RNF10: variants seen among roughly 807,000 people sequenced by gnomAD.
RNF10 encodes ring finger protein 10, also known as E3 ubiquitin-protein ligase RNF10.
In RNF10, 38 loss-of-function variants were observed where a neutral mutation model predicts 91.4. The ratio of observed to expected loss-of-function variants is 0.42; its 90% CI spans 0.32 to 0.54. The LOEUF (loss-of-function observed/expected upper bound fraction) is 0.54. RNF10 is among the 20% of genes least tolerant of loss of function. The pLI, the probability that RNF10 is intolerant of heterozygous loss-of-function variation, is 0.16. For missense variants in RNF10, 945 were observed against 1,012.0 expected (o/e 0.93, Z 0.90); for synonymous variants, 364 against 366.3 (o/e 0.99, Z 0.07).
At chr12:120,535,082 C>T (rs565541805) in intron 1 of RNF10, 114 bp downstream of exon 1, 8 of 1,144,762 alleles carry the variant, frequency 7.0e-6, no homozygotes, top group Admixed American at 3.1e-5. Context: ...TTTATAGCTC[C>T]TACCTGCCCT....
chr12:120,544,611 G>A (rs1411446286), intron 1 of RNF10, among the ~76,000 whole-genome samples: 1 of 152,104 alleles, frequency 6.6e-6, no homozygotes, highest in African/African-American at 2.4e-5. Flanking sequence ...GAACGAGATT[G>A]TGCCACTGCA....
At chr12:120,549,805 T>A (rs1872779770) in intron 2 of RNF10, among the ~76,000 whole-genome samples, 2 of 152,016 alleles carry the variant, frequency 1.3e-5, no homozygotes, top group South Asian at 4.1e-4. Context: ...AGTGAATAAA[T>A]AAATAATAAA....
chr12:120,575,982 T>C (rs76181214), intron 16 of RNF10, 32 bp downstream of exon 16: 87,874 of 1,609,344 alleles, frequency 0.055, 2,870 homozygotes, highest in South Asian at 0.1. Context: ...CCCAGGGTTG[T>C]CAAACATACT....
chr12:120,557,494 A>C (rs768109281), intron 5 of RNF10, 28 bp downstream of exon 5: 45 of 1,613,760 alleles, frequency 2.8e-5, no homozygotes, highest in Non-Finnish European at 3.7e-5. Flanking sequence ...ACTCAGTTAG[A>C]TCCCAATCTC....
At chr12:120,574,294 A>G (rs1877079638) in intron 14 of RNF10, among the ~76,000 whole-genome samples, 1 of 152,200 alleles carries the variant, frequency 6.6e-6, no homozygotes, top group Non-Finnish European at 1.5e-5. Context: ...CTTGAACCCC[A>G]TGGGGTTTGT....
intron 13 of RNF10, among the ~76,000 whole-genome samples, chr12:120,567,513 C>T (rs911717119): frequency 6.6e-6 from 1 of 151,676 alleles, no homozygotes; most frequent in African/African-American, 2.4e-5. Flanking sequence ...CCAGCCTGAC[C>T]AACACAGTGA....
rs1374515325 is a variant in RNF10, at chr12:120,556,553, A to AC, written c.646-729_646-728insC. On this transcript the variant is annotated intron_variant, in intron 4 of 16. Coordinates refer to ENST00000325954, the MANE Select transcript of RNF10 (RefSeq NM_014868.5). The stretch of plus-strand genomic sequence containing the variant: ...CTCAAAAAAAAAAAAAAAAAAAAAA[A>AC]AAAAGCTTGAACTCTCACTACTGTG... Among the ~76,000 whole-genome samples the AC allele has an allele frequency of 2.7e-3, 397 of 149,068 alleles. 9 individuals carry two copies. The highest frequency in any genetic ancestry group is 9.8e-3 in the African/African-American group (388 of 39,636).
Position 120,570,184 on chromosome 12 carries a change from C to CTT in RNF10, c.2042-988_2042-987dup, listed in dbSNP as rs11378458. 303 of 112,334 alleles carry CTT rather than the reference C, an allele frequency of 2.7e-3. 1 individual carries two copies. Among genetic ancestry groups the CTT allele is most frequent in the African/African-American group, 6.2e-3 (190 of 30,462 alleles). The allele number at this position is 112,334 out of a possible 1,614,324, so 7.0% of individuals were successfully genotyped here. A position where few individuals can be genotyped will look rare whatever the true frequency, so the allele number is the denominator to read the frequency against. Reference sequence around the variant, plus strand: ...ACAGGCGTGAGCCACCACACCCAGCCTTTTTTTTTTTTTTTTTTTTAAGAT... The same window carrying CTT: ...ACAGGCGTGAGCCACCACACCCAGCCTTTTTTTTTTTTTTTTTTTTTTAAGAT... On this transcript the variant is annotated intron_variant, in intron 13 of 16. Coordinates refer to ENST00000325954, the MANE Select transcript of RNF10 (RefSeq NM_014868.5).
chr12:120,557,511 C>T (rs1455003045), intron 5 of RNF10, 35 bp from the exon 6 acceptor site: 2 of 1,613,860 alleles, frequency 1.2e-6, no homozygotes, highest in African/African-American at 1.3e-5. Flanking sequence ...TCTCTTCACT[C>T]CTTGCCCTGC....
intron 13 of RNF10, among the ~76,000 whole-genome samples, chr12:120,569,696 C>T (rs1484330638): frequency 6.6e-6 from 1 of 151,658 alleles, no homozygotes; most frequent in Non-Finnish European, 1.5e-5. Context: ...CACCACCATA[C>T]CCTGCTAATT....
At chr12:120,566,705 T>C in intron 12 of RNF10, 120 bp from the exon 13 acceptor site, 1 of 932,842 alleles carries the variant, frequency 1.1e-6, no homozygotes, top group East Asian at 2.7e-5. Context: ...GAGGATGCAG[T>C]GAACAGAGAT....
chr12:120,537,771 G>A (rs1291912127), intron 1 of RNF10, among the ~76,000 whole-genome samples: 1 of 152,038 alleles, frequency 6.6e-6, no homozygotes, highest in East Asian at 1.9e-4. Flanking sequence ...GTGCGTGTTC[G>A]TTTAGCAAGG....
intron 10 of RNF10, among the ~76,000 whole-genome samples, chr12:120,564,263 A>G (rs1025288531): frequency 1.3e-5 from 2 of 152,168 alleles, no homozygotes; most frequent in African/African-American, 4.8e-5. Flanking sequence ...AAATGTCACA[A>G]ATTTGTTGTA....
chr12:120,538,250 T>C (rs1871112452), intron 1 of RNF10, among the ~76,000 whole-genome samples: 1 of 152,196 alleles, frequency 6.6e-6, no homozygotes, highest in Non-Finnish European at 1.5e-5. Context: ...TCACTTTTTT[T>C]CTCCCCCTTT....
At chr12:120,565,361 A>G in intron 11 of RNF10, 67 bp from the exon 12 acceptor site, 1 of 1,455,952 alleles carries the variant, frequency 6.9e-7, no homozygotes, top group Non-Finnish European at 9.6e-7. Flanking sequence ...TTTAGCTGCT[A>G]ATACTGGGAG....
chr12:120,549,422 T>G (rs1045627123), intron 2 of RNF10, among the ~76,000 whole-genome samples: 4 of 152,072 alleles, frequency 2.6e-5, no homozygotes, highest in African/African-American at 9.7e-5. Flanking sequence ...AGGGCTGATG[T>G]GGAATAGGAA....
At position 120,557,375 on chromosome 12, in the gene RNF10, G is replaced by T. The variant is rs1874199339; in HGVS notation, c.739G>T (p.Ala247Ser). Residue 247 changes from alanine (A) to serine (S), a missense_variant, in exon 5 of 17, where the codon GCA becomes TCA. Ala to Ser is a moderately conservative substitution (Grantham distance 99). Coordinates refer to ENST00000325954, the MANE Select transcript of RNF10 (RefSeq NM_014868.5). The part of the protein sequence containing the change: ...ITRCGHIFCW[A>S]CILHYLSLSE... ...CCGTTGTGGACACATCTTCTGCTGG[G>T]CATGCATCCTGCACTATCTTTCACT... 1 of 1,614,038 alleles carries T rather than the reference G, an allele frequency of 6.2e-7. No homozygotes were observed. Among genetic ancestry groups the T allele is most frequent in the South Asian group, 1.1e-5 (1 of 91,082 alleles).
chr12:120,576,017 G>A lies in RNF10; in HGVS notation c.2359+67G>A, dbSNP rs1056094961. ...TACACATGTACTGCCATTCCCGCCT[G>A]GATTCAGTGGCAGACATCACTAATT... On this transcript the variant is annotated intron_variant, in intron 16 of 16. Coordinates refer to ENST00000325954, the MANE Select transcript of RNF10 (RefSeq NM_014868.5). 3.3e-6 allele frequency: 5 copies of A among 1,520,960 alleles called. No homozygotes were observed. In the Admixed American group the frequency reaches 5.0e-5, roughly 15 times the overall value. The allele number at this position is 1,520,960 out of a possible 1,614,324, so 94.2% of individuals were successfully genotyped here. A position where few individuals can be genotyped will look rare whatever the true frequency, so the allele number is the denominator to read the frequency against.
In RNF10 at chr12:120,566,866, C is replaced by T; in HGVS notation, c.1927C>T (p.Pro643Ser). Residue 643 changes from proline (P) to serine (S), a missense_variant, in exon 13 of 17, where the codon CCT (proline) becomes TCT (serine). By Grantham distance (74) the Pro-to-Ser change is moderately conservative. Transcript: ENST00000325954. ...TCCCCTCGAGAATCTACAGCAGTTT[C>T]CTGCCTTCAATTCTTATACCTGCTC... is the stretch of plus-strand genomic sequence containing the variant. ...HIPLENLQQF[P>S]AFNSYTCSSD... 1 of 1,613,906 alleles carries T rather than the reference C, an allele frequency of 6.2e-7. No individual in the cohort carries two copies. Among genetic ancestry groups the T allele is most frequent in the South Asian group, 1.1e-5 (1 of 91,064 alleles).
Sources: allele counts gnomAD v4.1 joint callset (sites outside exome capture counted in the v4.1 genomes callset), GRCh38; gene constraint gnomAD v4.1.1; transcripts MANE v1.5; gene names NCBI Gene and HGNC (gene_info 2026-07-23, HGNC 2026-07-21).